LRMDA: variants seen among roughly 807,000 people sequenced by gnomAD.
The protein encoded by LRMDA is leucine rich melanocyte differentiation associated.
LRMDA carries 18 observed loss-of-function variants against 29.8 expected under a neutral mutation model. That is an observed-to-expected ratio of 0.60 (90% confidence interval 0.42 to 0.90). The LOEUF (loss-of-function observed/expected upper bound fraction) is 0.90. LRMDA is among the 40% of genes least tolerant of loss of function. The pLI, the probability that LRMDA is intolerant of heterozygous loss-of-function variation, is 0.00. For missense variants in LRMDA, 273 were observed against 273.9 expected (o/e 1.00, Z 0.02); for synonymous variants, 125 against 109.4 (o/e 1.14, Z -0.89).
At chr10:76,307,383 G>C (rs1228256385) in intron 5 of LRMDA, among the ~76,000 whole-genome samples, 1 of 152,168 alleles carries the variant, frequency 6.6e-6, no homozygotes, top group Admixed American at 6.5e-5. Flanking sequence ...GAGATGTTTT[G>C]AATGTCTGGG....
At chr10:76,221,092 C>G (rs1412909031) in intron 5 of LRMDA, among the ~76,000 whole-genome samples, 1 of 151,922 alleles carries the variant, frequency 6.6e-6, no homozygotes, top group Non-Finnish European at 1.5e-5. Flanking sequence ...TAAAAACTCT[C>G]AATAAATTAG....
At chr10:75,814,187 T>C (rs753839660) in intron 2 of LRMDA, among the ~76,000 whole-genome samples, 31 of 152,222 alleles carry the variant, frequency 2.0e-4, no homozygotes, top group South Asian at 6.2e-4. Context: ...GACATGGCCC[T>C]AATATGCAGT....
chr10:75,486,356 T>A (rs1351749658), intron 2 of LRMDA, among the ~76,000 whole-genome samples: 3 of 152,228 alleles, frequency 2.0e-5, no homozygotes, highest in African/African-American at 7.2e-5. Context: ...ACACTTCTTG[T>A]AGTTCTTGTT....
At chr10:75,561,590 T>G (rs1158210036) in intron 2 of LRMDA, among the ~76,000 whole-genome samples, 1 of 151,432 alleles carries the variant, frequency 6.6e-6, no homozygotes, top group Middle Eastern at 3.4e-3. Context: ...ATGTGTTTGC[T>G]CTTGCTTTTC....
At chr10:76,355,799 G>T (rs1343223042) in intron 6 of LRMDA, among the ~76,000 whole-genome samples, 2 of 152,212 alleles carry the variant, frequency 1.3e-5, no homozygotes, top group Non-Finnish European at 2.9e-5. Flanking sequence ...AGCATTGAAT[G>T]TGGGCCCAAA....
chr10:75,691,197 TACAC>T (rs373484741), intron 2 of LRMDA, among the ~76,000 whole-genome samples: 5 of 136,320 alleles, frequency 3.7e-5, no homozygotes, highest in Non-Finnish European at 6.3e-5. Context: ...TAGATATATA[TACAC>T]ACACACACAT....
chr10:75,829,841 C>CTTTTT (rs34025294), intron 2 of LRMDA, among the ~76,000 whole-genome samples: 54 of 89,422 alleles, frequency 6.0e-4, no homozygotes, highest in African/African-American at 9.5e-4. Context: ...GAATAGGCCA[C>CTTTTT]TTTTTTTTTT....
intron 2 of LRMDA, among the ~76,000 whole-genome samples, chr10:75,840,280 C>A (rs1844516428): frequency 6.6e-6 from 1 of 152,106 alleles, no homozygotes; most frequent in Admixed American, 6.5e-5. Flanking sequence ...GATTGAGAAC[C>A]CTCTCTTTTT....
At chr10:75,635,847 T>A (rs774970335) in intron 2 of LRMDA, among the ~76,000 whole-genome samples, 1 of 151,996 alleles carries the variant, frequency 6.6e-6, no homozygotes, top group Non-Finnish European at 1.5e-5. Flanking sequence ...AAGAAACCCA[T>A]GGGTTGTGGT....
intron 2 of LRMDA, among the ~76,000 whole-genome samples, chr10:75,823,798 C>T (rs1844205946): frequency 6.6e-6 from 1 of 151,842 alleles, no homozygotes; most frequent in South Asian, 2.1e-4. Flanking sequence ...TGGAATGCTA[C>T]TCAGCCATAA....
intron 3 of LRMDA, among the ~76,000 whole-genome samples, chr10:76,040,570 TTCTCTC>T (rs145651283): frequency 6.9e-6 from 1 of 145,720 alleles, no homozygotes; most frequent in African/African-American, 2.5e-5. Flanking sequence ...CTCACACTCT[TTCTCTC>T]TCTCTCTCTC....
At chr10:75,926,808 C>T (rs1232458446) in intron 2 of LRMDA, among the ~76,000 whole-genome samples, 5 of 152,222 alleles carry the variant, frequency 3.3e-5, no homozygotes, top group African/African-American at 1.2e-4. Flanking sequence ...TGTTTCCTGA[C>T]ACAGCAGGAG....
intron 2 of LRMDA, among the ~76,000 whole-genome samples, chr10:75,643,390 G>T (rs1323946158): frequency 1.3e-5 from 2 of 152,132 alleles, no homozygotes; most frequent in African/African-American, 4.8e-5. Flanking sequence ...AGATCAATAA[G>T]TCCTCTTCCA....
At chr10:76,260,675 T>TG (rs1426942622) in intron 5 of LRMDA, 4 of 152,204 alleles carry the variant, frequency 2.6e-5, no homozygotes, top group Non-Finnish European at 5.9e-5. Flanking sequence ...AGAACCTGTT[T>TG]GGGGTGACTC....
chr10:75,859,593 C>T (rs990676016), intron 2 of LRMDA, among the ~76,000 whole-genome samples: 3 of 125,966 alleles, frequency 2.4e-5, no homozygotes, highest in African/African-American at 9.1e-5. Context: ...TTTATATATT[C>T]AGGGCATACA....
At chr10:76,055,532 T>C (rs1848599899) in intron 4 of LRMDA, among the ~76,000 whole-genome samples, 1 of 152,224 alleles carries the variant, frequency 6.6e-6, no homozygotes, top group Admixed American at 6.5e-5. Context: ...TTGGGCCTGC[T>C]GAGCTTGTTC....
intron 5 of LRMDA, among the ~76,000 whole-genome samples, chr10:76,158,215 AC>A (rs1246721182): frequency 6.6e-6 from 1 of 152,112 alleles, no homozygotes; most frequent in Non-Finnish European, 1.5e-5. Context: ...TACACATTGT[AC>A]TTTAGACAGA....
chr10:75,645,622 C>CA (rs1447306288), intron 2 of LRMDA, among the ~76,000 whole-genome samples: 1 of 152,104 alleles, frequency 6.6e-6, no homozygotes, highest in African/African-American at 2.4e-5. Flanking sequence ...TGCTGTGTAA[C>CA]AGAGTCCTGG....
At chr10:76,394,773 G>A (rs1331419175) in intron 6 of LRMDA, among the ~76,000 whole-genome samples, 1 of 152,102 alleles carries the variant, frequency 6.6e-6, no homozygotes, top group Non-Finnish European at 1.5e-5. Context: ...ACCTTGATCT[G>A]CTCTGCTTTT....
Sources: gnomAD v4.1 joint callset for allele counts (sites outside exome capture counted in the v4.1 genomes callset) on GRCh38, gnomAD v4.1.1 for gene constraint, MANE v1.5 for transcripts, NCBI Gene and HGNC (gene_info 2026-07-23, HGNC 2026-07-21) for gene names.